The following RORA variants were observed in gnomAD, a reference collection of about 807,000 sequenced individuals.
RORA encodes the protein RAR related orphan receptor A.
Under a neutral mutation model 69.5 loss-of-function variants are expected in RORA, and 7 were observed. The observed-to-expected ratio is 0.10, with a 90% CI of 0.06 to 0.19. The LOEUF (loss-of-function observed/expected upper bound fraction) is 0.19, where lower values mean the gene tolerates loss of function less well. RORA is among the 10% of genes least tolerant of loss of function. RORA has a pLI of 1.00. For synonymous variants in RORA, 261 were observed against 240.8 expected (o/e 1.08, Z -0.78); for missense variants, 457 against 663.0 (o/e 0.69, Z 3.41).
chr15:60,822,828 CT>C (rs1465879333), intron 1 of RORA, among the ~76,000 whole-genome samples: 1 of 152,210 alleles, frequency 6.6e-6, no homozygotes, highest in Non-Finnish European at 1.5e-5. Flanking sequence ...GCACCACCCC[CT>C]GGCTCCAGGT....
intron 1 of RORA, among the ~76,000 whole-genome samples, chr15:61,066,295 A>G (rs1331287904): frequency 6.6e-6 from 1 of 152,178 alleles, no homozygotes; most frequent in Non-Finnish European, 1.5e-5. Flanking sequence ...CAGAAAAGAA[A>G]CTTAAGAATG....
chr15:60,846,235 C>T (rs1224377942), intron 1 of RORA, among the ~76,000 whole-genome samples: 2 of 152,216 alleles, frequency 1.3e-5, no homozygotes, highest in African/African-American at 4.8e-5. Flanking sequence ...CAGGTCTACT[C>T]GCTTCCAGGT....
At chr15:61,016,801 G>A (rs935956136) in intron 1 of RORA, among the ~76,000 whole-genome samples, 15 of 152,136 alleles carry the variant, frequency 9.9e-5, no homozygotes, top group African/African-American at 3.6e-4. Flanking sequence ...CAGGGTATGA[G>A]GCAAGCAGAG....
intron 2 of RORA, among the ~76,000 whole-genome samples, chr15:60,597,595 C>CACATATATATATAT (rs2068716292): frequency 3.3e-5 from 1 of 30,404 alleles, no homozygotes; most frequent in African/African-American, 1.3e-4. Context: ...TATATATATA[C>CACATATATATATAT]ACATATATAT....
intron 1 of RORA, among the ~76,000 whole-genome samples, chr15:60,959,291 A>C (rs981457635): frequency 2.6e-5 from 4 of 152,232 alleles, no homozygotes; most frequent in African/African-American, 9.6e-5. Flanking sequence ...TATACATTAA[A>C]AAATCATTTT....
chr15:61,203,904 G>A (rs1243967729), intron 1 of RORA, among the ~76,000 whole-genome samples: 4 of 152,222 alleles, frequency 2.6e-5, no homozygotes, highest in South Asian at 4.1e-4. Flanking sequence ...CTGCCAAGCC[G>A]TTGACAATGT....
chr15:60,515,793 C>T (rs2141343493), intron 3 of RORA, among the ~76,000 whole-genome samples: 1 of 146,724 alleles, frequency 6.8e-6, no homozygotes, highest in East Asian at 2.0e-4. Context: ...CCAGGCCAGA[C>T]TCCTCGGCTC....
chr15:61,060,015 A>G (rs868232855), intron 1 of RORA, among the ~76,000 whole-genome samples: 18 of 141,676 alleles, frequency 1.3e-4, no homozygotes, highest in East Asian at 4.9e-4. Flanking sequence ...AAGAAGAAGA[A>G]GAAGAAGAAG....
intron 1 of RORA, among the ~76,000 whole-genome samples, chr15:61,200,153 G>A (rs2079882220): frequency 6.6e-6 from 1 of 152,202 alleles, no homozygotes; most frequent in African/African-American, 2.4e-5. Flanking sequence ...GTAAGGACTG[G>A]GGTCTATCAG....
chr15:61,014,320 A>G (rs780786492), intron 1 of RORA, among the ~76,000 whole-genome samples: 4 of 152,248 alleles, frequency 2.6e-5, no homozygotes, highest in Non-Finnish European at 5.9e-5. Context: ...AATGCCTGGC[A>G]CATAGTAGGT....
intron 1 of RORA, among the ~76,000 whole-genome samples, chr15:61,120,852 A>G (rs2140815414): frequency 6.6e-6 from 1 of 151,826 alleles, no homozygotes; most frequent in African/African-American, 2.4e-5. Flanking sequence ...TTCTTTTTTT[A>G]TTATTTTTTT....
chr15:60,618,807 T>C (rs1286067191), intron 2 of RORA, among the ~76,000 whole-genome samples: 1 of 152,216 alleles, frequency 6.6e-6, no homozygotes, highest in East Asian at 1.9e-4. Context: ...TCTTTGTAAC[T>C]TTTCCTGCCT....
At chr15:61,060,283 A>G (rs978379793) in intron 1 of RORA, among the ~76,000 whole-genome samples, 1 of 152,146 alleles carries the variant, frequency 6.6e-6, no homozygotes, top group African/African-American at 2.4e-5. Context: ...CCTGGCAAAC[A>G]TGTCCCTGGT....
chr15:60,692,488 C>A (rs776255157), intron 1 of RORA, among the ~76,000 whole-genome samples: 6 of 152,098 alleles, frequency 3.9e-5, no homozygotes, highest in Admixed American at 6.6e-5. Context: ...TTCTAAGCAG[C>A]CTTGTAAAGG....
intron 2 of RORA, among the ~76,000 whole-genome samples, chr15:60,599,475 C>T (rs181486333): frequency 1.3e-5 from 2 of 152,232 alleles, no homozygotes; most frequent in Admixed American, 6.5e-5. Flanking sequence ...CACTTGAATC[C>T]GGGAGGCGGA....
intron 1 of RORA, among the ~76,000 whole-genome samples, chr15:60,892,194 C>G (rs2073819623): frequency 6.6e-6 from 1 of 152,134 alleles, no homozygotes; most frequent in Admixed American, 6.5e-5. Context: ...GAACCTGAGG[C>G]TGAAAGATGG....
At chr15:60,675,531 C>T (rs1353894552) in intron 2 of RORA, among the ~76,000 whole-genome samples, 7 of 152,144 alleles carry the variant, frequency 4.6e-5, no homozygotes, top group African/African-American at 1.4e-4. Context: ...AATTCCAAAG[C>T]TTGTCTTCTC....
chr15:60,833,742 G>A (rs2073079102), intron 1 of RORA, among the ~76,000 whole-genome samples: 1 of 152,112 alleles, frequency 6.6e-6, no homozygotes, highest in Admixed American at 6.5e-5. Context: ...ATGTATTTAA[G>A]TCTTGTATCT....
At chr15:60,723,607 C>T (rs1281438167) in intron 1 of RORA, among the ~76,000 whole-genome samples, 1 of 152,078 alleles carries the variant, frequency 6.6e-6, no homozygotes, top group Admixed American at 6.6e-5. Context: ...GAGGTTTTCA[C>T]ACTAAAACAA....
Sources: allele counts gnomAD v4.1 joint callset (sites outside exome capture counted in the v4.1 genomes callset), GRCh38; gene constraint gnomAD v4.1.1; transcripts MANE v1.5; gene names NCBI Gene and HGNC (gene_info 2026-07-23, HGNC 2026-07-21).